The following KIF16B variants were observed in gnomAD, a reference collection of about 807,000 sequenced individuals.
The protein encoded by KIF16B is kinesin family member 16B.
In KIF16B, 98 loss-of-function variants were observed where a neutral mutation model predicts 156.3. The ratio of observed to expected loss-of-function variants is 0.63; its 90% CI spans 0.53 to 0.74. The LOEUF is 0.74. Among genes scored for constraint, KIF16B ranks in the 30% least tolerant of loss-of-function variants. KIF16B has a pLI of 0.00. For synonymous variants in KIF16B, 564 were observed against 583.7 expected (o/e 0.97, Z 0.49); for missense variants, 1,421 against 1,606.5 (o/e 0.88, Z 1.97).
chr20:16,562,354 C>T (rs1180925050), intron 1 of KIF16B, among the ~76,000 whole-genome samples: 9 of 151,642 alleles, frequency 5.9e-5, no homozygotes, highest in Non-Finnish European at 1.3e-4. Flanking sequence ...ATTAAGTAAA[C>T]TTAATACACG....
intron 12 of KIF16B, among the ~76,000 whole-genome samples, chr20:16,491,997 CCACT>C (rs2068308447): frequency 6.6e-6 from 1 of 152,130 alleles, no homozygotes; most frequent in South Asian, 2.1e-4. Flanking sequence ...TTCTCCCCAC[CCACT>C]GACTTCAGCC....
chr20:16,503,507 A>C (rs1400237397), intron 10 of KIF16B, among the ~76,000 whole-genome samples: 2 of 152,214 alleles, frequency 1.3e-5, no homozygotes, highest in Non-Finnish European at 2.9e-5. Flanking sequence ...AAGAGCTTCA[A>C]GTGCCACATA....
chr20:16,494,219 T>TAAA (rs78970970), intron 12 of KIF16B, 72 bp downstream of exon 12: 9 of 749,954 alleles, frequency 1.2e-5, no homozygotes, highest in East Asian at 6.1e-5. Context: ...GTTTGGAGAT[T>TAAA]AAAAAAAAAA....
intron 22 of KIF16B, chr20:16,367,819 C>T (rs755300640): frequency 1.4e-5 from 23 of 1,611,374 alleles, no homozygotes; most frequent in East Asian, 1.3e-4. Context: ...CAGGAGGTCA[C>T]GACACAGCTG....
chr20:16,316,958 A>C (rs1441890777), intron 24 of KIF16B, among the ~76,000 whole-genome samples: 1 of 152,228 alleles, frequency 6.6e-6, no homozygotes, highest in Non-Finnish European at 1.5e-5. Flanking sequence ...GTTTTCTGAA[A>C]TGTAACACTT....
chr20:16,493,534 C>G (rs1177907259), intron 12 of KIF16B, among the ~76,000 whole-genome samples: 1 of 152,190 alleles, frequency 6.6e-6, no homozygotes, highest in Non-Finnish European at 1.5e-5. Flanking sequence ...TTTACCTCAA[C>G]AGATGTCAAA....
At chr20:16,422,953 A>C (rs748217291) in intron 15 of KIF16B, among the ~76,000 whole-genome samples, 6 of 152,140 alleles carry the variant, frequency 3.9e-5, no homozygotes, top group Admixed American at 6.6e-5. Flanking sequence ...TCCAATGAAA[A>C]TAGAGATTAA....
chr20:16,368,946 G>A (rs919096796), intron 22 of KIF16B: 5 of 985,734 alleles, frequency 5.1e-6, no homozygotes, highest in Admixed American at 6.1e-5. Flanking sequence ...CTGCATCATC[G>A]GTGTTACTTT....
chr20:16,484,079 C>T (rs2068052626), intron 12 of KIF16B, among the ~76,000 whole-genome samples: 2 of 152,118 alleles, frequency 1.3e-5, no homozygotes, highest in South Asian at 2.1e-4. Context: ...GCACATGCCT[C>T]GCCGCAAAAG....
intron 1 of KIF16B, among the ~76,000 whole-genome samples, chr20:16,546,750 T>C (rs1215039203): frequency 1.3e-5 from 2 of 152,246 alleles, no homozygotes; most frequent in East Asian, 1.9e-4. Flanking sequence ...AACACAAAAA[T>C]TCTTTCACTT....
chr20:16,310,128 T>A (rs1334385382), intron 25 of KIF16B, among the ~76,000 whole-genome samples: 1 of 152,250 alleles, frequency 6.6e-6, no homozygotes, highest in African/African-American at 2.4e-5. Context: ...ACAGTCAACA[T>A]TAGGTGAAAT....
At chr20:16,431,501 C>T (rs1198312834) in intron 12 of KIF16B, among the ~76,000 whole-genome samples, 1 of 152,142 alleles carries the variant, frequency 6.6e-6, no homozygotes, top group Non-Finnish European at 1.5e-5. Flanking sequence ...GCGGTTCCTA[C>T]TGCTTTTGTG....
chr20:16,310,364 A>AT lies in KIF16B; in HGVS notation c.3795+1970dup, dbSNP rs2063601510. On this transcript the variant is annotated intron_variant, in intron 25 of 25. Transcript: ENST00000354981. ...ACAAACACAGGTTCCACCTGAAAGC[A>AT]TTAACAATGAAAGAGTGCCCTGAAC... 4.6e-5 allele frequency among the ~76,000 whole-genome samples: 7 copies of AT among 152,210 alleles called. No homozygotes were observed. In the South Asian group the frequency reaches 1.4e-3, roughly 32 times the overall value.
chr20:16,347,834 C>T (rs1334353668), intron 23 of KIF16B, among the ~76,000 whole-genome samples: 2 of 152,184 alleles, frequency 1.3e-5, no homozygotes, highest in African/African-American at 4.8e-5. Context: ...AGCACAGATT[C>T]AGACGCCAAC....
rs544545286 is a variant in KIF16B at position 16,503,545 on chromosome 20, G to A, written c.1176+827C>T. The stretch of plus-strand genomic sequence containing the variant: ...CCCACGTGGAAAGCACTGCTCCAAC[G>A]GGACCACTCTGCACATAAAGAAAAG... On this transcript the variant is annotated intron_variant, in intron 10 of 25. Coordinates refer to ENST00000354981, the MANE Select transcript of KIF16B (RefSeq NM_024704.5). Among the ~76,000 whole-genome samples the A allele has an allele frequency of 4.6e-5, 7 of 152,210 alleles. No homozygotes were observed. The East Asian group carries it at 1.2e-3, about 25-fold the overall frequency.
chr20:16,513,381 G>A (rs1007608786), intron 4 of KIF16B, among the ~76,000 whole-genome samples: 4 of 152,008 alleles, frequency 2.6e-5, no homozygotes, highest in Non-Finnish European at 4.4e-5. Flanking sequence ...CATGCTGGCC[G>A]GGTGCGGTGG....
chr20:16,377,911 A>G (rs1252156281), intron 19 of KIF16B, among the ~76,000 whole-genome samples: 1 of 152,210 alleles, frequency 6.6e-6, no homozygotes, highest in Admixed American at 6.5e-5. Flanking sequence ...CAAGAGTGCT[A>G]ATTTCCTAGT....
intron 12 of KIF16B, among the ~76,000 whole-genome samples, chr20:16,466,941 G>C (rs2146719848): frequency 6.7e-6 from 1 of 150,032 alleles, no homozygotes; most frequent in South Asian, 2.1e-4. Context: ...CACAAGGGGA[G>C]GAGGGGGCAT....
At chr20:16,281,808 C>G (rs2063150363) in intron 25 of KIF16B, among the ~76,000 whole-genome samples, 1 of 152,058 alleles carries the variant, frequency 6.6e-6, no homozygotes, top group African/African-American at 2.4e-5. Context: ...TGCATGCTGG[C>G]TGGCACCATC....
Sources: gnomAD v4.1 joint callset for allele counts (sites outside exome capture counted in the v4.1 genomes callset) on GRCh38, gnomAD v4.1.1 for gene constraint, MANE v1.5 for transcripts, NCBI Gene and HGNC (gene_info 2026-07-23, HGNC 2026-07-21) for gene names.